ANKRD31: variants seen among roughly 807,000 people sequenced by gnomAD.
ANKRD31 encodes the protein ankyrin repeat domain-containing protein 31.
A neutral mutation model predicts 186.0 loss-of-function variants in ANKRD31; 147 were observed. The observed-to-expected ratio is 0.79, with a 90% CI of 0.69 to 0.91. The LOEUF (loss-of-function observed/expected upper bound fraction) is 0.91, where lower values mean the gene tolerates loss of function less well. Ranked by LOEUF, ANKRD31 falls within the 40% of genes least tolerant of loss-of-function variation. The probability of loss-of-function intolerance (pLI) is 0.00; values close to 1 mark genes in which losing one functional copy is unlikely to be tolerated. For synonymous variants in ANKRD31, 673 were observed against 736.4 expected, an observed-to-expected ratio of 0.91 and a Z score of 1.39; for missense variants, 1,986 against 2,148.8, an observed-to-expected ratio of 0.92 and a Z score of 1.50.
At chr5:75,139,060 A>G in intron 15 of ANKRD31, 77 bp from the exon 16 acceptor site, 5 of 1,458,314 alleles carry the variant, frequency 3.4e-6, no homozygotes, top group Non-Finnish European at 4.6e-6. Context: ...AATACATAAC[A>G]ACTTCCTCAA....
At position 75,236,682 on chromosome 5, in the gene ANKRD31, T is replaced by A. The variant is rs1461308810; in HGVS notation, c.5A>T (p.Glu2Val). The change falls in exon 1 of 26, where the codon GAG becomes GTG. Residue 2 changes from glutamate (E) to valine (V), a missense_variant. Coordinates refer to ENST00000506364, the MANE Select transcript of ANKRD31 (RefSeq NM_001372053.1). M[E>V]EGVQAPDWDS... Reference sequence around the variant, plus strand: ...CCAGTCTGGGGCCTGGACGCCTTCCTCCATCTTTGCCTCACATTCAAAGTC... The same window carrying A: ...CCAGTCTGGGGCCTGGACGCCTTCCACCATCTTTGCCTCACATTCAAAGTC... The A allele has an allele frequency of 5.2e-6, 8 of 1,535,922 alleles. No homozygotes were observed. The Admixed American group carries it at 1.6e-4, about 30-fold the overall frequency.
chr5:75,112,067 C>G (rs1747831732), intron 20 of ANKRD31, among the ~76,000 whole-genome samples: 1 of 152,096 alleles, frequency 6.6e-6, no homozygotes, highest in Admixed American at 6.6e-5. Flanking sequence ...GATCATAGTT[C>G]TGAATGTCTC....
At position 75,084,438 on chromosome 5, in the gene ANKRD31, T is replaced by C. The variant is rs564716188; in HGVS notation, c.5473-64A>G. ...TCTGTAAGAAGGAAATACACCTATG[T>C]CCTGAACATTGTAATTTTTATAAGG... On this transcript the variant is annotated intron_variant, in intron 23 of 25. Coordinates refer to ENST00000506364, the MANE Select transcript of ANKRD31 (RefSeq NM_001372053.1). 7 of 1,172,896 alleles carry C rather than the reference T, an allele frequency of 6.0e-6. No homozygotes were observed. In the East Asian group the frequency reaches 1.0e-4, roughly 17 times the overall value. 72.7% of individuals were successfully genotyped at this position (1,172,896 alleles called of 1,614,324 possible).
intron 11 of ANKRD31, among the ~76,000 whole-genome samples, chr5:75,156,874 T>C (rs1333378102): frequency 1.3e-5 from 2 of 152,222 alleles, no homozygotes; most frequent in African/African-American, 4.8e-5. Flanking sequence ...TTTGGACTTC[T>C]AGTCTGTAGA....
At chr5:75,130,162 T>C (rs1190846422) in intron 17 of ANKRD31, among the ~76,000 whole-genome samples, 4 of 152,024 alleles carry the variant, frequency 2.6e-5, no homozygotes, top group Non-Finnish European at 4.4e-5. Flanking sequence ...TTGCAGTGAG[T>C]GTTACAGCTC....
intron 4 of ANKRD31, among the ~76,000 whole-genome samples, chr5:75,207,085 C>A (rs1215077186): frequency 1.3e-5 from 2 of 152,044 alleles, no homozygotes; most frequent in South Asian, 2.1e-4. Context: ...TTTTTCTCAG[C>A]CTAATTTACT....
In ANKRD31 at chr5:75,146,771, A is replaced by G; in HGVS notation, c.2640T>C (p.Asp880=). The G allele has an allele frequency of 6.5e-7, 1 of 1,536,166 alleles. No homozygotes were observed. Among genetic ancestry groups the G allele is most frequent in the Non-Finnish European group, 8.7e-7 (1 of 1,146,270 alleles). ...SHENSNLVPK[D]ERFNKWENSF... ...AATTTTCCCATTTGTTAAATCTCTCATCTTTTGGGACCAAGTTACTGTTTT... is the reference window on the plus strand; with the variant it reads ...AATTTTCCCATTTGTTAAATCTCTCGTCTTTTGGGACCAAGTTACTGTTTT... The change falls in exon 14 of 26, where the codon GAT becomes GAC. Residue 880 remains aspartate (D), a synonymous_variant. Coordinates refer to ENST00000506364, the MANE Select transcript of ANKRD31 (RefSeq NM_001372053.1).
intron 17 of ANKRD31, among the ~76,000 whole-genome samples, chr5:75,120,702 A>G (rs1024165291): frequency 1.3e-5 from 2 of 152,204 alleles, no homozygotes; most frequent in African/African-American, 4.8e-5. Flanking sequence ...AAAAAAATGA[A>G]GAAACAAAGA....
intron 20 of ANKRD31, among the ~76,000 whole-genome samples, chr5:75,112,218 G>A (rs1015076430): frequency 1.3e-5 from 2 of 152,046 alleles, no homozygotes; most frequent in Non-Finnish European, 2.9e-5. Flanking sequence ...AGCCTCCCGA[G>A]TAGCTGGCAC....
chr5:75,080,690 C>T, intron 24 of ANKRD31, 51 bp from the exon 25 acceptor site: 3 of 1,243,094 alleles, frequency 2.4e-6, no homozygotes, highest in Non-Finnish European at 3.3e-6. Flanking sequence ...TAGGGGACTG[C>T]TCTGGTCAAA....
chr5:75,088,982 A>C (rs994137263), intron 23 of ANKRD31, among the ~76,000 whole-genome samples: 10 of 152,206 alleles, frequency 6.6e-5, no homozygotes, highest in African/African-American at 2.4e-4. Flanking sequence ...CTGAGGCTGC[A>C]CATTAGAATT....
chr5:75,221,043 G>C (rs896389009), intron 3 of ANKRD31, among the ~76,000 whole-genome samples: 1 of 152,148 alleles, frequency 6.6e-6, no homozygotes, highest in Non-Finnish European at 1.5e-5. Flanking sequence ...GGAACTGGAG[G>C]CCATTATCCT....
chr5:75,074,728 A>AT (rs111896708), intron 25 of ANKRD31, among the ~76,000 whole-genome samples: 9 of 151,828 alleles, frequency 5.9e-5, no homozygotes, highest in East Asian at 3.9e-4. Flanking sequence ...AAAATAAAAG[A>AT]TTTTTTTTTA....
At chr5:75,132,496 C>T (rs1008868749) in intron 17 of ANKRD31, among the ~76,000 whole-genome samples, 7 of 152,030 alleles carry the variant, frequency 4.6e-5, no homozygotes, top group African/African-American at 1.2e-4. Flanking sequence ...GAACAAAGCC[C>T]CCAGGAAATA....
At chr5:75,194,901 T>A (rs960892357) in intron 7 of ANKRD31, among the ~76,000 whole-genome samples, 1 of 152,144 alleles carries the variant, frequency 6.6e-6, no homozygotes, top group African/African-American at 2.4e-5. Flanking sequence ...AGGATATTTG[T>A]TACCATATTA....
At chr5:75,137,723 G>A in intron 17 of ANKRD31, 133 bp downstream of exon 17, 2 of 744,140 alleles carry the variant, frequency 2.7e-6, no homozygotes, top group Non-Finnish European at 3.9e-6. Flanking sequence ...ATCTTCATTT[G>A]TAATTTGAAG....
At chr5:75,182,123 T>C (rs1288949567) in intron 10 of ANKRD31, among the ~76,000 whole-genome samples, 1 of 152,170 alleles carries the variant, frequency 6.6e-6, no homozygotes, top group Non-Finnish European at 1.5e-5. Flanking sequence ...TTTTTGAATA[T>C]TTTAAAACTA....
intron 25 of ANKRD31, among the ~76,000 whole-genome samples, chr5:75,070,760 T>C (rs1744160075): frequency 6.6e-6 from 1 of 152,226 alleles, no homozygotes; most frequent in Non-Finnish European, 1.5e-5. Context: ...ATACTTAGCA[T>C]CCATTAAAGT....
intron 8 of ANKRD31, 85 bp from the exon 9 acceptor site, chr5:75,192,861 T>C (rs1324605115): frequency 9.5e-7 from 1 of 1,049,932 alleles, no homozygotes. Context: ...GAATACAATA[T>C]TAAAACTCCA....
Sources: gnomAD v4.1 joint callset for allele counts (sites outside exome capture counted in the v4.1 genomes callset) on GRCh38, gnomAD v4.1.1 for gene constraint, MANE v1.5 for transcripts, NCBI Gene and HGNC (gene_info 2026-07-23, HGNC 2026-07-21) for gene names.